The following CTNNA2 variants were observed in gnomAD, a reference collection of about 807,000 sequenced individuals.
CTNNA2 encodes the protein catenin alpha 2.
In CTNNA2, 42 loss-of-function variants were observed where a neutral mutation model predicts 101.0. The ratio of observed to expected loss-of-function variants is 0.42; its 90% CI spans 0.32 to 0.54. The LOEUF is 0.54. CTNNA2 is among the 20% of genes least tolerant of loss of function. The pLI, the probability that CTNNA2 is intolerant of heterozygous loss-of-function variation, is 0.14. For synonymous variants in CTNNA2, 450 were observed against 456.4 expected (o/e 0.99, Z 0.18); for missense variants, 871 against 1,223.1 (o/e 0.71, Z 4.29).
intron 2 of CTNNA2, among the ~76,000 whole-genome samples, chr2:79,682,404 C>G (rs1165838414): frequency 2.4e-4 from 24 of 101,982 alleles, no homozygotes; most frequent in African/African-American, 8.9e-4. Context: ...GAGCGAAACT[C>G]CATCTCAAAA....
intron 3 of CTNNA2, among the ~76,000 whole-genome samples, chr2:79,751,934 C>G (rs1218819414): frequency 6.6e-6 from 1 of 152,042 alleles, no homozygotes; most frequent in African/African-American, 2.4e-5. Context: ...CTAAAAGTTG[C>G]AGGCATTACA....
chr2:79,326,670 C>A (rs1676754857), intron 3 of CTNNA2, among the ~76,000 whole-genome samples: 1 of 152,020 alleles, frequency 6.6e-6, no homozygotes, highest in South Asian at 2.1e-4. Context: ...TAGATCTCTG[C>A]AAAATGAATG....
At chr2:80,431,885 G>A (rs1681556067) in intron 9 of CTNNA2, among the ~76,000 whole-genome samples, 1 of 152,008 alleles carries the variant, frequency 6.6e-6, no homozygotes, top group Non-Finnish European at 1.5e-5. Context: ...AAAATTAAAA[G>A]CTTCAACTTT....
At chr2:79,977,017 T>A (rs888430120) in intron 7 of CTNNA2, among the ~76,000 whole-genome samples, 1 of 152,206 alleles carries the variant, frequency 6.6e-6, no homozygotes, top group African/African-American at 2.4e-5. Flanking sequence ...TGTTCTTTCC[T>A]CCCTGTGGTT....
At chr2:80,220,930 G>T (rs887119544) in intron 7 of CTNNA2, among the ~76,000 whole-genome samples, 2 of 152,152 alleles carry the variant, frequency 1.3e-5, no homozygotes, top group African/African-American at 2.4e-5. Flanking sequence ...TGCCCAGGCT[G>T]AATTGCAGTG....
At chr2:79,789,199 C>G (rs958022581) in intron 3 of CTNNA2, among the ~76,000 whole-genome samples, 2 of 152,078 alleles carry the variant, frequency 1.3e-5, no homozygotes, top group Non-Finnish European at 2.9e-5. Context: ...GGAAATGTTC[C>G]TAGAGGAGCT....
intron 2 of CTNNA2, among the ~76,000 whole-genome samples, chr2:79,734,809 A>G (rs1670752671): frequency 6.6e-6 from 1 of 152,112 alleles, no homozygotes; most frequent in African/African-American, 2.4e-5. Context: ...TTAAAATCAT[A>G]AAGTAAAATC....
intron 2 of CTNNA2, among the ~76,000 whole-genome samples, chr2:79,703,430 C>A (rs996410236): frequency 2.0e-5 from 3 of 152,084 alleles, no homozygotes; most frequent in Non-Finnish European, 2.9e-5. Flanking sequence ...TTATCGCTTA[C>A]CTATATGGTA....
chr2:80,080,792 C>G (rs928869856), intron 7 of CTNNA2, among the ~76,000 whole-genome samples: 1 of 151,916 alleles, frequency 6.6e-6, no homozygotes, highest in East Asian at 1.9e-4. Context: ...ACACTGAAGA[C>G]AAGTCAGACA....
intron 1 of CTNNA2, among the ~76,000 whole-genome samples, chr2:79,543,595 C>T (rs1330776200): frequency 6.6e-6 from 1 of 152,076 alleles, no homozygotes; most frequent in African/African-American, 2.4e-5. Flanking sequence ...TTCCGTCACA[C>T]CCAATTGGAC....
chr2:79,281,472 G>A (rs961388141), intron 2 of CTNNA2: 1 of 152,146 alleles, frequency 6.6e-6, no homozygotes, highest in African/African-American at 2.4e-5. Flanking sequence ...AGAGTTGCTT[G>A]TGATTAAATA....
chr2:80,587,198 A>G (rs1696051760), intron 14 of CTNNA2, among the ~76,000 whole-genome samples: 1 of 152,148 alleles, frequency 6.6e-6, no homozygotes, highest in Non-Finnish European at 1.5e-5. Flanking sequence ...GGGGATAGTA[A>G]TAGTATCAGA....
At chr2:80,032,070 C>T (rs1695328190) in intron 7 of CTNNA2, among the ~76,000 whole-genome samples, 3 of 152,026 alleles carry the variant, frequency 2.0e-5, no homozygotes, top group Non-Finnish European at 2.9e-5. Flanking sequence ...AATGTTAAAC[C>T]CTTTTCCTTG....
intron 8 of CTNNA2, among the ~76,000 whole-genome samples, chr2:80,404,027 AT>A (rs1650054330): frequency 6.6e-6 from 1 of 151,988 alleles, no homozygotes; most frequent in African/African-American, 2.4e-5. Flanking sequence ...TTTATTGAGG[AT>A]TTTTGCATCG....
chr2:79,298,383 C>T (rs1676031827), intron 2 of CTNNA2, among the ~76,000 whole-genome samples: 1 of 152,148 alleles, frequency 6.6e-6, no homozygotes, highest in Admixed American at 6.6e-5. Flanking sequence ...ACACCTCCCA[C>T]CAGGTCCACC....
chr2:80,128,096 T>G (rs1283063165), intron 7 of CTNNA2, among the ~76,000 whole-genome samples: 1 of 152,024 alleles, frequency 6.6e-6, no homozygotes, highest in Non-Finnish European at 1.5e-5. Flanking sequence ...GATAGGTTTT[T>G]GGGGAAAAGA....
intron 11 of CTNNA2, among the ~76,000 whole-genome samples, chr2:80,555,373 T>G (rs1291713988): frequency 2.0e-5 from 3 of 152,172 alleles, no homozygotes; most frequent in Non-Finnish European, 4.4e-5. Flanking sequence ...CAGAATGTTG[T>G]CTTCAAACCA....
chr2:79,442,909 T>C lies in CTNNA2; in HGVS notation c.-134-62145T>C, dbSNP rs1206093412. Among the ~76,000 whole-genome samples the C allele has an allele frequency of 9.2e-5, 14 of 152,232 alleles. No homozygotes were observed. The East Asian group carries it at 1.7e-3, about 19-fold the overall frequency. On this transcript the variant is annotated intron_variant, in intron 4 of 21. Coordinates refer to the CTNNA2 transcript ENST00000466387. ...CTCTCACAGAACTCCTACCTCCACC[T>C]CACACATGCTTACACTTCTGATCAT...
intron 7 of CTNNA2, among the ~76,000 whole-genome samples, chr2:80,051,700 C>T (rs1382728300): frequency 1.3e-5 from 2 of 151,912 alleles, no homozygotes; most frequent in Non-Finnish European, 2.9e-5. Context: ...TCTTTTTCCC[C>T]CCCACAGAGG....
Sources: gnomAD v4.1 joint callset for allele counts (sites outside exome capture counted in the v4.1 genomes callset) on GRCh38, gnomAD v4.1.1 for gene constraint, MANE v1.5 for transcripts, NCBI Gene and HGNC (gene_info 2026-07-23, HGNC 2026-07-21) for gene names.